GUCY1A2: variants seen among roughly 807,000 people sequenced by gnomAD.
The protein encoded by GUCY1A2 is guanylate cyclase 1 soluble subunit alpha 2, also known as guanylate cyclase soluble subunit alpha-2.
In GUCY1A2, 27 loss-of-function variants were observed where a neutral mutation model predicts 63.5. The observed-to-expected ratio is 0.43, with a 90% CI of 0.31 to 0.59. The LOEUF is 0.59. Among genes scored for constraint, GUCY1A2 ranks in the 20% least tolerant of loss-of-function variants. GUCY1A2 has a pLI of 0.11. For synonymous variants in GUCY1A2, 364 were observed against 343.5 expected (o/e 1.06, Z -0.66); for missense variants, 768 against 913.3 (o/e 0.84, Z 2.05).
chr11:106,708,601 A>G lies in GUCY1A2; in HGVS notation c.1902T>C (p.Tyr634=). ...AGVVGVRMPR[Y]CLFGNNVTLA... is the part of the protein sequence containing the mutation. ...GTGTGACATTATTTCCAAACAGGCA[A>G]TAACGTGGCATTCGCACCCCAACAA... Residue 634 remains tyrosine, a synonymous_variant, in exon 7 of 8, where the codon TAT becomes TAC. Coordinates refer to ENST00000526355, the MANE Select transcript of GUCY1A2 (RefSeq NM_000855.3). 1.9e-6 allele frequency: 3 copies of G among 1,613,040 alleles called. No homozygotes were observed. The highest frequency in any genetic ancestry group is 2.5e-6 in the Non-Finnish European group (3 of 1,179,380).
intron 7 of GUCY1A2, 111 bp downstream of exon 7, chr11:106,708,398 CATA>C: frequency 4.9e-6 from 4 of 809,408 alleles, no homozygotes; most frequent in Non-Finnish European, 7.7e-6. Context: ...CAGTTCTACT[CATA>C]ATATCTTGGA....
chr11:106,914,003 A>AT (rs2119876496), intron 4 of GUCY1A2, among the ~76,000 whole-genome samples: 1 of 148,878 alleles, frequency 6.7e-6, no homozygotes, highest in Admixed American at 6.7e-5. Flanking sequence ...AAAAAAAAAA[A>AT]GAAAGAAAGA....
Position 106,713,551 on chromosome 11 carries a change from G to C in GUCY1A2, c.1837-4885C>G, listed in dbSNP as rs368648128. On this transcript the variant is annotated intron_variant, in intron 6 of 7. Coordinates refer to ENST00000526355, the MANE Select transcript of GUCY1A2 (RefSeq NM_000855.3). Reference sequence around the variant, plus strand: ...AGACGGAGTCTCGTCCTGTTGCCCAGGCTGGAGTGCAGTGGCGCGATCTCA... The same window carrying C: ...AGACGGAGTCTCGTCCTGTTGCCCACGCTGGAGTGCAGTGGCGCGATCTCA... Among the ~76,000 whole-genome samples, 137 of 133,170 alleles carry C rather than the reference G, an allele frequency of 1.0e-3. 1 individual carries two copies. Among genetic ancestry groups the C allele is most frequent in the African/African-American group, 3.8e-3 (130 of 34,494 alleles). 87.4% of individuals were successfully genotyped at this position (133,170 alleles called of 152,430 possible).
chr11:106,741,888 T>C (rs1004472004), intron 6 of GUCY1A2, among the ~76,000 whole-genome samples: 1 of 152,220 alleles, frequency 6.6e-6, no homozygotes, highest in Non-Finnish European at 1.5e-5. Context: ...AATTACTTCA[T>C]GAATTTGACT....
At chr11:106,770,009 G>A (rs1362452375) in intron 6 of GUCY1A2, among the ~76,000 whole-genome samples, 4 of 151,756 alleles carry the variant, frequency 2.6e-5, no homozygotes, top group Admixed American at 6.6e-5. Context: ...TCAACCAACC[G>A]TGGATTGAAA....
At chr11:106,965,054 A>G (rs1861110072) in intron 3 of GUCY1A2, among the ~76,000 whole-genome samples, 1 of 152,080 alleles carries the variant, frequency 6.6e-6, no homozygotes, top group Non-Finnish European at 1.5e-5. Context: ...AGCAGTATAT[A>G]CTAATACATA....
At chr11:106,712,524 T>G (rs1326233401) in intron 6 of GUCY1A2, among the ~76,000 whole-genome samples, 1 of 151,672 alleles carries the variant, frequency 6.6e-6, no homozygotes, top group African/African-American at 2.4e-5. Context: ...TCTCAGATTT[T>G]CTTTATGTCT....
intron 6 of GUCY1A2, among the ~76,000 whole-genome samples, chr11:106,726,247 T>G (rs1445423218): frequency 6.6e-6 from 1 of 151,924 alleles, no homozygotes; most frequent in African/African-American, 2.4e-5. Flanking sequence ...AAACCTCGTC[T>G]CTACTAAAAA....
chr11:106,771,691 G>A (rs1353734986), intron 6 of GUCY1A2, among the ~76,000 whole-genome samples: 2 of 152,004 alleles, frequency 1.3e-5, no homozygotes, highest in Non-Finnish European at 1.5e-5. Flanking sequence ...GGTTGAGGCT[G>A]TAGTAAGCTG....
chr11:106,813,785 ATGT>A (rs1858795661), intron 4 of GUCY1A2, among the ~76,000 whole-genome samples: 2 of 152,078 alleles, frequency 1.3e-5, no homozygotes, highest in Admixed American at 6.6e-5. Flanking sequence ...GATGATAATG[ATGT>A]TGAGGAGGAT....
chr11:106,795,008 C>T (rs567148691), intron 5 of GUCY1A2, among the ~76,000 whole-genome samples: 25 of 152,220 alleles, frequency 1.6e-4, no homozygotes, highest in African/African-American at 5.5e-4. Context: ...ACATATATAT[C>T]GTTATTTTGA....
At chr11:106,732,267 G>C (rs1863518337) in intron 6 of GUCY1A2, among the ~76,000 whole-genome samples, 1 of 152,074 alleles carries the variant, frequency 6.6e-6, no homozygotes, top group African/African-American at 2.4e-5. Flanking sequence ...ACAGAAACAA[G>C]CAATAGAGAA....
intron 4 of GUCY1A2, among the ~76,000 whole-genome samples, chr11:106,903,053 A>T (rs965175533): frequency 6.6e-6 from 1 of 152,154 alleles, no homozygotes; most frequent in African/African-American, 2.4e-5. Context: ...AATATGTCCA[A>T]TGACTTACTG....
At chr11:106,963,235 A>G (rs1166287251) in intron 3 of GUCY1A2, among the ~76,000 whole-genome samples, 1 of 152,204 alleles carries the variant, frequency 6.6e-6, no homozygotes, top group East Asian at 1.9e-4. Flanking sequence ...TACAGAGGAG[A>G]ATATGTCAAT....
intron 6 of GUCY1A2, among the ~76,000 whole-genome samples, chr11:106,753,314 G>T (rs1591262240): frequency 6.6e-6 from 1 of 152,104 alleles, no homozygotes; most frequent in East Asian, 1.9e-4. Flanking sequence ...CCATTCTGTA[G>T]GTTGCCTGTT....
intron 4 of GUCY1A2, among the ~76,000 whole-genome samples, chr11:106,852,651 G>A (rs1271247336): frequency 1.3e-5 from 2 of 151,894 alleles, no homozygotes; most frequent in Non-Finnish European, 2.9e-5. Flanking sequence ...TGAATCTCTG[G>A]GATTCCTATT....
At chr11:106,775,491 A>T (rs1325943503) in intron 6 of GUCY1A2, among the ~76,000 whole-genome samples, 1 of 150,928 alleles carries the variant, frequency 6.6e-6, no homozygotes, top group East Asian at 2.0e-4. Context: ...TTTTTTTTCA[A>T]TCTACACACG....
chr11:106,940,503 G>C (rs1035737937), intron 3 of GUCY1A2, among the ~76,000 whole-genome samples: 1 of 152,036 alleles, frequency 6.6e-6, no homozygotes, highest in African/African-American at 2.4e-5. Flanking sequence ...TCTCTGCCCC[G>C]ACACATGCAC....
chr11:106,859,487 A>G (rs1859479788), intron 4 of GUCY1A2, among the ~76,000 whole-genome samples: 1 of 152,056 alleles, frequency 6.6e-6, no homozygotes, highest in African/African-American at 2.4e-5. Context: ...AGATTTAATT[A>G]ATTGACTTCA....
Sources: gnomAD v4.1 joint callset for allele counts (sites outside exome capture counted in the v4.1 genomes callset) on GRCh38, gnomAD v4.1.1 for gene constraint, MANE v1.5 for transcripts, NCBI Gene and HGNC (gene_info 2026-07-23, HGNC 2026-07-21) for gene names.